MDGA2: variants seen among roughly 807,000 people sequenced by gnomAD.
MDGA2 encodes MAM domain containing glycosylphosphatidylinositol anchor 2.
MDGA2 carries 40 observed loss-of-function variants against 117.8 expected under a neutral mutation model. That is an observed-to-expected ratio of 0.34 (90% CI 0.26 to 0.44). MDGA2 has a LOEUF of 0.44. Ranked by LOEUF, MDGA2 falls within the 20% of genes least tolerant of loss-of-function variation. The probability of loss-of-function intolerance (pLI) is 1.00; values close to 1 mark genes in which losing one functional copy is unlikely to be tolerated. For missense variants in MDGA2, 1,123 were observed against 1,250.6 expected, an observed-to-expected ratio of 0.90 and a Z score of 1.54; for synonymous variants, 452 against 439.0, an observed-to-expected ratio of 1.03 and a Z score of -0.37.
At chr14:47,076,073 AAAT>A (rs1890480094) in intron 6 of MDGA2, among the ~76,000 whole-genome samples, 1 of 152,158 alleles carries the variant, frequency 6.6e-6, no homozygotes. Flanking sequence ...TTACTCAATA[AAAT>A]ATTTGTCAAG....
chr14:47,113,999 T>C (rs1566632316), intron 5 of MDGA2, among the ~76,000 whole-genome samples: 1 of 152,122 alleles, frequency 6.6e-6, no homozygotes, highest in Non-Finnish European at 1.5e-5. Flanking sequence ...ATCCTACATC[T>C]AGAAAACCCC....
At chr14:47,605,176 C>T (rs1374323367) in intron 1 of MDGA2, among the ~76,000 whole-genome samples, 1 of 152,066 alleles carries the variant, frequency 6.6e-6, no homozygotes, top group Non-Finnish European at 1.5e-5. Flanking sequence ...TATTTATTTG[C>T]CTTTGGCAAA....
In MDGA2 at chr14:47,172,144, A is replaced by G. The variant is rs1884177001; in HGVS notation, c.596-27870T>C. Among the ~76,000 whole-genome samples the G allele has an allele frequency of 2.6e-5, 4 of 152,162 alleles. No homozygotes were observed. The South Asian group carries it at 6.2e-4, about 24-fold the overall frequency. ...TGCTCAGCTAAACAAAGCAGCCAGG[A>G]AGCTCCGACTGGGTGGAGCCCACCA... On this transcript the variant is annotated intron_variant, in intron 3 of 16. Transcript: ENST00000399232.
chr14:47,317,850 G>A, intron 1 of MDGA2, among the ~76,000 whole-genome samples: 1 of 151,960 alleles, frequency 6.6e-6, no homozygotes, highest in East Asian at 1.9e-4. Context: ...CTAGGCCCCT[G>A]TGCCCAGCTG....
intron 1 of MDGA2, among the ~76,000 whole-genome samples, chr14:47,634,863 A>T (rs1229294471): frequency 6.6e-6 from 1 of 152,122 alleles, no homozygotes; most frequent in East Asian, 1.9e-4. Flanking sequence ...AGGTTCACTA[A>T]CTGAATCACT....
intron 3 of MDGA2, among the ~76,000 whole-genome samples, chr14:47,190,251 G>C (rs985599214): frequency 6.6e-6 from 1 of 152,180 alleles, no homozygotes; most frequent in Non-Finnish European, 1.5e-5. Flanking sequence ...CGCTGCTGTG[G>C]TAAAATAGCA....
chr14:47,645,609 T>A (rs1231911925), intron 1 of MDGA2, among the ~76,000 whole-genome samples: 1 of 151,972 alleles, frequency 6.6e-6, no homozygotes, highest in Non-Finnish European at 1.5e-5. Context: ...AAATAATTCT[T>A]ATAATTACAA....
chr14:47,294,807 A>G (rs1889007988), intron 2 of MDGA2, among the ~76,000 whole-genome samples: 1 of 152,198 alleles, frequency 6.6e-6, no homozygotes, highest in African/African-American at 2.4e-5. Flanking sequence ...AATGGTTTCA[A>G]ACTGAAGAAC....
chr14:46,916,103 C>T (rs1883886768), intron 10 of MDGA2, among the ~76,000 whole-genome samples: 1 of 152,124 alleles, frequency 6.6e-6, no homozygotes. Context: ...GACATTAGCC[C>T]ACATGTAACA....
intron 1 of MDGA2, among the ~76,000 whole-genome samples, chr14:47,381,821 A>G (rs1891635699): frequency 6.6e-6 from 1 of 152,218 alleles, no homozygotes; most frequent in South Asian, 2.1e-4. Flanking sequence ...CATCCCCGTC[A>G]AGCTACCAAT....
rs1471747151 is a variant in MDGA2, at chr14:47,142,622, A to G, written c.792+1456T>C. ...AAAAATAAATTGACAATAGAAAAAT[A>G]AAATATGTAATAGATGATCATTTAT... On this transcript the variant is annotated intron_variant, in intron 4 of 16. Transcript: ENST00000399232. 2.6e-5 allele frequency among the ~76,000 whole-genome samples: 4 copies of G among 152,232 alleles called. No individual in the cohort carries two copies. The East Asian group carries it at 7.7e-4, about 29-fold the overall frequency.
intron 1 of MDGA2, among the ~76,000 whole-genome samples, chr14:47,654,957 C>T (rs1897716627): frequency 6.6e-6 from 1 of 152,010 alleles, no homozygotes. Context: ...TCCCAGGATA[C>T]AGGATTTAAT....
chr14:46,952,122 TA>T (rs1206363283), intron 9 of MDGA2, among the ~76,000 whole-genome samples: 3 of 151,796 alleles, frequency 2.0e-5, no homozygotes, highest in Admixed American at 6.6e-5. Context: ...GTATTTTCAA[TA>T]AAGGAAACTT....
At chr14:47,361,203 CTCTCTATATATA>C (rs1167684747) in intron 1 of MDGA2, among the ~76,000 whole-genome samples, 6 of 130,142 alleles carry the variant, frequency 4.6e-5, no homozygotes, top group African/African-American at 1.7e-4. Flanking sequence ...CTCTCTCTCT[CTCTCTATATATA>C]TATATATATA....
chr14:46,852,334 A>C (rs780560614), intron 15 of MDGA2, among the ~76,000 whole-genome samples: 1 of 150,412 alleles, frequency 6.6e-6, no homozygotes, highest in African/African-American at 2.4e-5. Context: ...TGGGAGTCAA[A>C]TAAGGTGAAT....
intron 2 of MDGA2, among the ~76,000 whole-genome samples, chr14:47,274,906 T>C (rs1479185780): frequency 6.6e-6 from 1 of 152,116 alleles, no homozygotes; most frequent in Non-Finnish European, 1.5e-5. Context: ...CATTTTAAAA[T>C]TGCATTATTT....
intron 1 of MDGA2, among the ~76,000 whole-genome samples, chr14:47,403,767 T>C (rs1031458007): frequency 2.0e-5 from 3 of 151,716 alleles, no homozygotes; most frequent in Non-Finnish European, 4.4e-5. Context: ...TTTGAGAAAA[T>C]AGCAAAAAAA....
intron 8 of MDGA2, 125 bp downstream of exon 8, chr14:47,034,886 A>G (rs1181940846): frequency 1.3e-6 from 1 of 799,746 alleles, no homozygotes; most frequent in Non-Finnish European, 2.0e-6. Flanking sequence ...ATTCAATCCA[A>G]TGTAGAAATG....
intron 1 of MDGA2, among the ~76,000 whole-genome samples, chr14:47,580,883 A>G (rs1896217357): frequency 6.6e-6 from 1 of 152,018 alleles, no homozygotes; most frequent in Admixed American, 6.6e-5. Flanking sequence ...TTACACATCA[A>G]AGGAGCATAT....
Sources: gnomAD v4.1 joint callset for allele counts (sites outside exome capture counted in the v4.1 genomes callset) on GRCh38, gnomAD v4.1.1 for gene constraint, MANE v1.5 for transcripts, NCBI Gene and HGNC (gene_info 2026-07-23, HGNC 2026-07-21) for gene names.